The following LPXN variants were observed in gnomAD, a reference collection of about 807,000 sequenced individuals.
LPXN encodes the protein leupaxin.
LPXN carries 28 observed loss-of-function variants against 45.6 expected under a neutral mutation model. The observed-to-expected ratio is 0.61, with a 90% CI of 0.45 to 0.84. LPXN has a LOEUF of 0.84. Among genes scored for constraint, LPXN ranks in the 40% least tolerant of loss-of-function variants. The pLI is 0.00. For synonymous variants in LPXN, 166 were observed against 169.9 expected, an observed-to-expected ratio of 0.98 and a Z score of 0.18; for missense variants, 459 against 475.0, an observed-to-expected ratio of 0.97 and a Z score of 0.31.
Position 58,527,200 on chromosome 11 carries a change from T to C in LPXN, c.*254A>G. 4.4e-6 allele frequency: 2 copies of C among 450,304 alleles called. No homozygotes were observed. The highest frequency in any genetic ancestry group is 4.0e-6 in the Non-Finnish European group (1 of 247,062). 27.9% of individuals were successfully genotyped at this position (450,304 alleles called of 1,614,324 possible). The stretch of plus-strand genomic sequence containing the variant: ...TGTAGAGGGACGAGATAGAAGGACC[T>C]AGATCTAACTCCAAGTGCTTGATTG... On this transcript the variant is annotated 3_prime_UTR_variant, in exon 9 of 9. Coordinates refer to ENST00000395074, the MANE Select transcript of LPXN (RefSeq NM_004811.3).
chr11:58,565,255 C>G (rs1019020953), intron 2 of LPXN, among the ~76,000 whole-genome samples: 1 of 152,004 alleles, frequency 6.6e-6, no homozygotes, highest in Non-Finnish European at 1.5e-5. Flanking sequence ...GTTTATTGGA[C>G]GGGCGTGGTG....
intron 7 of LPXN, among the ~76,000 whole-genome samples, chr11:58,540,872 T>A (rs1316321373): frequency 6.6e-6 from 1 of 152,004 alleles, no homozygotes; most frequent in Non-Finnish European, 1.5e-5. Flanking sequence ...AATCAATGAA[T>A]AGCCGCAAAA....
intron 2 of LPXN, among the ~76,000 whole-genome samples, chr11:58,566,420 A>G (rs1352608990): frequency 1.3e-5 from 2 of 152,048 alleles, no homozygotes; most frequent in African/African-American, 2.4e-5. Context: ...CTTTTGCTCA[A>G]TAATTTCTTA....
rs953662762 is a variant in LPXN, at chr11:58,527,185, C to T, written c.*269G>A. 8 of 391,850 alleles carry T rather than the reference C, an allele frequency of 2.0e-5. No individual in the cohort carries two copies. Among genetic ancestry groups the T allele is most frequent in the African/African-American group, 1.2e-4 (6 of 49,906 alleles). The allele number at this position is 391,850 out of a possible 1,614,324, so 24.3% of individuals were successfully genotyped here. ...AGTGGAAAATACATCTGTAGAGGGA[C>T]GAGATAGAAGGACCTAGATCTAACT... On this transcript the variant is annotated 3_prime_UTR_variant, in exon 9 of 9. Transcript: ENST00000395074.
intron 7 of LPXN, among the ~76,000 whole-genome samples, chr11:58,539,896 C>T (rs1277645763): frequency 1.3e-5 from 2 of 152,014 alleles, no homozygotes; most frequent in Admixed American, 6.6e-5. Flanking sequence ...ACTACCTATT[C>T]CATTGGATTT....
intron 7 of LPXN, among the ~76,000 whole-genome samples, chr11:58,535,049 G>T (rs1853507288): frequency 6.6e-6 from 1 of 152,094 alleles, no homozygotes; most frequent in Non-Finnish European, 1.5e-5. Flanking sequence ...CCAAAAAAAA[G>T]TCCGGGACCA....
intron 1 of LPXN, 113 bp from the exon 2 acceptor site, chr11:58,570,826 G>T: frequency 1.4e-6 from 1 of 728,974 alleles, no homozygotes; most frequent in Non-Finnish European, 2.1e-6. Context: ...TTCAATTATG[G>T]CTATTTTCAA....
At chr11:58,553,354 AAAG>A (rs1854108036) in intron 4 of LPXN, among the ~76,000 whole-genome samples, 1 of 151,936 alleles carries the variant, frequency 6.6e-6, no homozygotes, top group Non-Finnish European at 1.5e-5. Flanking sequence ...AAAAAAAAAA[AAAG>A]ATGGTGTTGT....
At chr11:58,572,516 G>A (rs1045931387) in intron 1 of LPXN, among the ~76,000 whole-genome samples, 31 of 152,102 alleles carry the variant, frequency 2.0e-4, no homozygotes, top group Admixed American at 1.8e-3. Flanking sequence ...TAAATCTACT[G>A]TAAAAATGAA....
chr11:58,549,723 G>T (rs1853982212), intron 7 of LPXN, 63 bp downstream of exon 7: 2 of 1,394,036 alleles, frequency 1.4e-6, no homozygotes, highest in East Asian at 2.3e-5. Flanking sequence ...ACCAGGAAAG[G>T]TGTTGCTGGT....
intron 7 of LPXN, among the ~76,000 whole-genome samples, chr11:58,529,712 A>G (rs958974064): frequency 6.6e-6 from 1 of 152,194 alleles, no homozygotes; most frequent in Non-Finnish European, 1.5e-5. Context: ...TGATGACATG[A>G]GCAATAAAAT....
intron 1 of LPXN, among the ~76,000 whole-genome samples, chr11:58,573,246 CAAA>C (rs59534059): frequency 2.2e-4 from 20 of 90,478 alleles, no homozygotes; most frequent in Admixed American, 3.5e-4. Flanking sequence ...AACTCCGTCT[CAAA>C]AAAAAAAAAA....
rs927059502 is a variant in LPXN, at chr11:58,550,033, G to A, written c.600C>T (p.Pro200=). ...GAGAAAAAAGTTGGTGGTAGTCGTT[G>A]GGGCAGTAGGCCAAGCCACTCCGCT... ...FFERSGLAYC[P]NDYHQLFSPR... is the part of the protein sequence containing the mutation. Residue 200 remains proline, a synonymous_variant, in exon 6 of 9, where the codon CCC becomes CCT. Coordinates refer to ENST00000395074, the MANE Select transcript of LPXN (RefSeq NM_004811.3). 5 of 1,614,224 alleles carry A rather than the reference G, an allele frequency of 3.1e-6. No individual in the cohort carries two copies. The highest frequency in any genetic ancestry group is 4.2e-6 in the Non-Finnish European group (5 of 1,180,040).
chr11:58,554,367 C>A (rs955371875), intron 4 of LPXN, among the ~76,000 whole-genome samples: 1 of 151,994 alleles, frequency 6.6e-6, no homozygotes, highest in Non-Finnish European at 1.5e-5. Context: ...CATCATCAAG[C>A]CTTAGATACC....
At chr11:58,571,332 C>T (rs909741007) in intron 1 of LPXN, among the ~76,000 whole-genome samples, 6 of 136,920 alleles carry the variant, frequency 4.4e-5, no homozygotes, top group African/African-American at 1.7e-4. Context: ...GGAGTGATAC[C>T]CTGTCTCAAA....
At chr11:58,539,990 T>C (rs1853665769) in intron 7 of LPXN, among the ~76,000 whole-genome samples, 1 of 152,114 alleles carries the variant, frequency 6.6e-6, no homozygotes, top group Admixed American at 6.6e-5. Context: ...TTAGTATCAA[T>C]AAAAGTGGTC....
chr11:58,561,272 A>G (rs1440950512), intron 3 of LPXN, among the ~76,000 whole-genome samples: 1 of 152,192 alleles, frequency 6.6e-6, no homozygotes, highest in Admixed American at 6.5e-5. Flanking sequence ...AAAAAAGTAG[A>G]AGAAAAGTTG....
chr11:58,544,528 G>C (rs529467240), intron 7 of LPXN, among the ~76,000 whole-genome samples: 2 of 152,138 alleles, frequency 1.3e-5, no homozygotes, highest in African/African-American at 2.4e-5. Flanking sequence ...AGCTGGTTTC[G>C]AGAGTGGGAT....
At chr11:58,544,195 T>C (rs1345504546) in intron 7 of LPXN, among the ~76,000 whole-genome samples, 1 of 152,196 alleles carries the variant, frequency 6.6e-6, no homozygotes, top group Non-Finnish European at 1.5e-5. Context: ...CCGTAAGTCC[T>C]ACTATTTAAG....
Sources: gnomAD v4.1 joint callset for allele counts (sites outside exome capture counted in the v4.1 genomes callset) on GRCh38, gnomAD v4.1.1 for gene constraint, MANE v1.5 for transcripts, NCBI Gene and HGNC (gene_info 2026-07-23, HGNC 2026-07-21) for gene names.